Variants in ZNF28 observed in about 807,000 individuals in gnomAD.
ZNF28 encodes zinc finger protein KOX24.
In ZNF28, 5 loss-of-function variants were observed where a neutral mutation model predicts 7.2. The ratio of observed to expected loss-of-function variants is 0.70; its 90% CI spans 0.36 to 1.46. The LOEUF (loss-of-function observed/expected upper bound fraction) is 1.46. Ranked by LOEUF, ZNF28 falls within the 40% of genes most tolerant of loss-of-function variation. The probability of loss-of-function intolerance (pLI) is 0.03; values close to 1 mark genes in which losing one functional copy is unlikely to be tolerated. For synonymous variants in ZNF28, 288 were observed against 292.4 expected (o/e 0.99, Z 0.15); for missense variants, 879 against 866.6 (o/e 1.01, Z -0.18).
Position 52,801,519 on chromosome 19 carries a change from T to A in ZNF28, c.326A>T (p.His109Leu), listed in dbSNP as rs755005624. ...FQWKEDETNDHAAPMTEIKEL... is the reference protein window; with the variant it reads ...FQWKEDETNDLAAPMTEIKEL... The stretch of plus-strand genomic sequence containing the variant: ...TTTGATTTCTGTCATGGGTGCTGCA[T>A]GGTCATTTGTTTCATCTTCTTTCCA... Residue 109 changes from histidine to leucine, a missense_variant, in exon 4 of 4, where the codon CAT becomes CTT. Physicochemically the swap from His to Leu is moderately conservative, Grantham distance 99 (BLOSUM62 -3). Coordinates refer to ENST00000457749, the MANE Select transcript of ZNF28 (RefSeq NM_006969.5). 2 of 1,614,094 alleles carry A rather than the reference T, an allele frequency of 1.2e-6. No individual in the cohort carries two copies. The highest frequency in any genetic ancestry group is 4.5e-5 in the East Asian group (2 of 44,900).
chr19:52,810,882 TCCCCCTC>T (rs1568655846), intron 2 of ZNF28, among the ~76,000 whole-genome samples: 26 of 5,078 alleles, frequency 5.1e-3, no homozygotes, highest in South Asian at 0.031. Context: ...CCCCTCCCCC[TCCCCCTC>T]CCCCTCCCCC....
chr19:52,810,624 A>G (rs2063008335), intron 2 of ZNF28: 2 of 1,432,458 alleles, frequency 1.4e-6, no homozygotes, highest in East Asian at 2.3e-5. Context: ...CCTGCTCTCC[A>G]TTCTACAGTG....
chr19:52,798,547 G>C lies in ZNF28; in HGVS notation c.*1141C>G. On this transcript the variant is annotated 3_prime_UTR_variant, in exon 4 of 4. Coordinates refer to ENST00000457749, the MANE Select transcript of ZNF28 (RefSeq NM_006969.5). ...GATTTCTGTCCAGCATGGATTCTCT[G>C]ATGTCTATTGAGGTGTGAATGTGAA... 3.9e-6 allele frequency: 2 copies of C among 508,682 alleles called. No individual in the cohort carries two copies. Among genetic ancestry groups the C allele is most frequent in the Non-Finnish European group, 8.0e-6 (2 of 248,676 alleles). 31.5% of individuals were successfully genotyped at this position (508,682 alleles called of 1,614,324 possible).
intron 2 of ZNF28, among the ~76,000 whole-genome samples, chr19:52,817,286 C>T (rs886105149): frequency 4.9e-4 from 75 of 152,082 alleles, no homozygotes; most frequent in African/African-American, 1.8e-3. Context: ...GCAGGAGAAT[C>T]TCTTGAACCC....
chr19:52,800,336 A>G lies in ZNF28; in HGVS notation c.1509T>C (p.Ala503=), dbSNP rs777057587. 6.2e-7 allele frequency: 1 copy of G among 1,613,600 alleles called. No homozygotes were observed. Among genetic ancestry groups the G allele is most frequent in the Non-Finnish European group, 8.5e-7 (1 of 1,179,914 alleles). The part of the protein sequence containing the change: ...KPYKCKVCDK[A]FRSDSCLTEH... The stretch of plus-strand genomic sequence containing the variant: ...CTGTAAGGCATGAATCACTCCGGAA[A>G]GCCTTGTCACAAACCTTACATTTGT... The change falls in exon 4 of 4, where the codon GCT becomes GCC. Residue 503 remains alanine, a synonymous_variant. Coordinates refer to ENST00000457749, the MANE Select transcript of ZNF28 (RefSeq NM_006969.5).
intron 2 of ZNF28, among the ~76,000 whole-genome samples, chr19:52,811,597 G>A (rs2063040914): frequency 1.4e-5 from 2 of 144,758 alleles, no homozygotes; most frequent in Admixed American, 6.8e-5. Context: ...CTGTCTGGGA[G>A]GTGAGGAGCG....
intron 2 of ZNF28, 94 bp downstream of exon 2, chr19:52,817,850 A>G: frequency 6.3e-7 from 1 of 1,590,078 alleles, no homozygotes; most frequent in South Asian, 1.1e-5. Context: ...CATATCAGGC[A>G]GGACACTTCA....
chr19:52,803,109 T>C (rs1292541780), intron 3 of ZNF28, among the ~76,000 whole-genome samples: 1 of 151,934 alleles, frequency 6.6e-6, no homozygotes, highest in African/African-American at 2.4e-5. Flanking sequence ...AGATACAGTG[T>C]CACTCTGTCA....
chr19:52,798,408 G>C lies in ZNF28; in HGVS notation c.*1280C>G. On this transcript the variant is annotated 3_prime_UTR_variant, in exon 4 of 4. Coordinates refer to ENST00000457749, the MANE Select transcript of ZNF28 (RefSeq NM_006969.5). ...TTAACTGTAATGTCAATTAATGCTTGATGGCTTGCTATACTAATGGCATTT... is the reference window on the plus strand; with the variant it reads ...TTAACTGTAATGTCAATTAATGCTTCATGGCTTGCTATACTAATGGCATTT... 1 of 391,472 alleles carries C rather than the reference G, an allele frequency of 2.6e-6. No homozygotes were observed. The highest frequency in any genetic ancestry group is 5.1e-6 in the Non-Finnish European group (1 of 197,956). The allele number at this position is 391,472 out of a possible 1,614,324, so 24.2% of individuals were successfully genotyped here. A position where few individuals can be genotyped will look rare whatever the true frequency, so the allele number is the denominator to read the frequency against.
rs1175677195 is a variant in ZNF28 at position 52,800,385 on chromosome 19, C to T, written c.1460G>A (p.Arg487Lys). The T allele has an allele frequency of 6.2e-6, 10 of 1,613,620 alleles. No individual in the cohort carries two copies. The highest frequency in any genetic ancestry group is 1.3e-5 in the African/African-American group (1 of 74,822). The change falls in exon 4 of 4, where the codon AGG becomes AAG. Residue 487 changes from arginine (R) to lysine (K), a missense_variant. Arg to Lys is a conservative substitution (Grantham distance 26). This residue lies in a region of ZNF28 where 864 missense variants were observed against 830.2 expected (regional missense o/e 1.04). Coordinates refer to ENST00000457749, the MANE Select transcript of ZNF28 (RefSeq NM_006969.5). ...GTATGGTTTCTCTCCAGTATGAATC[C>T]TCCTATGTCTTTCAAGGTGTGATTT... is the stretch of plus-strand genomic sequence containing the variant. ...RCKSHLERHR[R>K]IHTGEKPYKC...
chr19:52,810,624 A>T (rs2063008335), intron 2 of ZNF28: 6 of 1,432,576 alleles, frequency 4.2e-6, no homozygotes, highest in Non-Finnish European at 5.9e-6. Context: ...CCTGCTCTCC[A>T]TTCTACAGTG....
intron 2 of ZNF28, chr19:52,810,302 T>G: frequency 6.4e-7 from 1 of 1,550,966 alleles, no homozygotes; most frequent in African/African-American, 1.4e-5. Context: ...TGGAGGCTGA[T>G]GCCCGTTCCA....
At chr19:52,816,879 G>A (rs1817431375) in intron 2 of ZNF28, among the ~76,000 whole-genome samples, 2 of 130,218 alleles carry the variant, frequency 1.5e-5, no homozygotes, top group Admixed American at 7.8e-5. Context: ...ATAAAACGTG[G>A]AATGAGAATA....
chr19:52,811,370 G>C (rs2063035401), intron 2 of ZNF28, among the ~76,000 whole-genome samples: 1 of 147,386 alleles, frequency 6.8e-6, no homozygotes, highest in African/African-American at 2.7e-5. Context: ...GGGATGTGAG[G>C]AGCCCCTCTG....
chr19:52,807,253 TAG>T (rs2062948711), intron 3 of ZNF28, among the ~76,000 whole-genome samples: 1 of 151,868 alleles, frequency 6.6e-6, no homozygotes, highest in Non-Finnish European at 1.5e-5. Flanking sequence ...GGAGCTTTTC[TAG>T]AGTCCCAGCC....
At chr19:52,811,632 G>T (rs1167880981) in intron 2 of ZNF28, among the ~76,000 whole-genome samples, 1 of 146,276 alleles carries the variant, frequency 6.8e-6, no homozygotes, top group Non-Finnish European at 1.5e-5. Flanking sequence ...CCCCGTCTGA[G>T]AAGTGAGGAA....
chr19:52,807,576 G>C (rs1043759112), intron 3 of ZNF28, among the ~76,000 whole-genome samples: 2 of 152,202 alleles, frequency 1.3e-5, no homozygotes, highest in African/African-American at 4.8e-5. Flanking sequence ...CTGGGTTCAA[G>C]TAATTCTCTT....
rs181400786 is a variant in ZNF28, at chr19:52,803,692, C to T, written c.143-1990G>A. Among the ~76,000 whole-genome samples, 172 of 152,266 alleles carry T rather than the reference C, an allele frequency of 1.1e-3. 1 individual carries two copies. The highest frequency in any genetic ancestry group is 4.0e-3 in the African/African-American group (165 of 41,558). On this transcript the variant is annotated intron_variant, in intron 3 of 3. Coordinates refer to ENST00000457749, the MANE Select transcript of ZNF28 (RefSeq NM_006969.5). The stretch of plus-strand genomic sequence containing the variant: ...GAATGAGAATTGACTAACAGCCAGG[C>T]ACGGTGGCGCATGCCTGTAATCCCA...
intron 2 of ZNF28, among the ~76,000 whole-genome samples, chr19:52,809,485 G>A (rs1479584632): frequency 6.6e-6 from 1 of 152,196 alleles, no homozygotes; most frequent in Non-Finnish European, 1.5e-5. Context: ...TGAGGGTGGA[G>A]GGTGGGAGGA....
Sources: allele counts gnomAD v4.1 joint callset (sites outside exome capture counted in the v4.1 genomes callset), GRCh38; gene constraint gnomAD v4.1.1; regional missense constraint gnomAD v4.1.1; transcripts MANE v1.5; gene names NCBI Gene and HGNC (gene_info 2026-07-23, HGNC 2026-07-21).